The following DSG2 variants were observed in gnomAD, a reference collection of about 807,000 sequenced individuals.
DSG2 encodes the protein desmoglein 2.
A neutral mutation model predicts 75.6 loss-of-function variants in DSG2; 45 were observed. The observed-to-expected ratio is 0.60, with a 90% CI of 0.47 to 0.76. The LOEUF is 0.76. Ranked by LOEUF, DSG2 falls within the 30% of genes least tolerant of loss-of-function variation. The pLI is 0.00. For synonymous variants in DSG2, 429 were observed against 483.9 expected, an observed-to-expected ratio of 0.89 and a Z score of 1.49; for missense variants, 1,267 against 1,357.4, an observed-to-expected ratio of 0.93 and a Z score of 1.05.
chr18:31,527,629 G>A (rs906740746), intron 8 of DSG2, among the ~76,000 whole-genome samples: 2 of 152,180 alleles, frequency 1.3e-5, no homozygotes, highest in African/African-American at 2.4e-5. Flanking sequence ...AAATACCCAC[G>A]TGAAAAGGTG....
chr18:31,544,528 T>G (rs527443603), intron 14 of DSG2, among the ~76,000 whole-genome samples: 1 of 151,816 alleles, frequency 6.6e-6, no homozygotes, highest in South Asian at 2.1e-4. Flanking sequence ...AAGAGCAAAT[T>G]AAACCCAAAA....
At position 31,536,279 on chromosome 18, in the gene DSG2, G is replaced by A. The variant is rs1567930737; in HGVS notation, c.1501G>A (p.Glu501Lys). 2 of 1,614,182 alleles carry A rather than the reference G, an allele frequency of 1.2e-6. No homozygotes were observed. The highest frequency in any genetic ancestry group is 8.5e-7 in the Non-Finnish European group (1 of 1,180,038). Residue 501 changes from glutamate (E) to lysine (K), a missense_variant, in exon 11 of 15, where the codon GAG becomes AAG. Glu to Lys is a moderately conservative substitution (Grantham distance 56). Coordinates refer to ENST00000261590, the MANE Select transcript of DSG2 (RefSeq NM_001943.5). ...CAACGACAACTGTCCCACACTGATA[G>A]AGCCTGTGCAGACAATCTGTCACGA... is the stretch of plus-strand genomic sequence containing the variant. The part of the protein sequence containing the change: ...DINDNCPTLI[E>K]PVQTICHDAE...
chr18:31,525,911 G>C (rs1376804013), intron 8 of DSG2, among the ~76,000 whole-genome samples: 1 of 152,080 alleles, frequency 6.6e-6, no homozygotes, highest in Non-Finnish European at 1.5e-5. Context: ...GGGAGGCCGA[G>C]GAGGGCGGAT....
At chr18:31,528,878 C>G (rs1488577638) in intron 8 of DSG2, among the ~76,000 whole-genome samples, 1 of 152,040 alleles carries the variant, frequency 6.6e-6, no homozygotes, top group East Asian at 1.9e-4. Flanking sequence ...TGGGGACTGA[C>G]TACAAACACA....
intron 12 of DSG2, among the ~76,000 whole-genome samples, chr18:31,540,753 TAAG>T (rs2073261763): frequency 6.6e-6 from 1 of 152,218 alleles, no homozygotes; most frequent in South Asian, 2.1e-4. Flanking sequence ...AAATAAAATC[TAAG>T]AAGAGGGCTC....
intron 5 of DSG2, 57 bp from the exon 6 acceptor site, chr18:31,522,026 C>T: frequency 1.3e-6 from 2 of 1,502,194 alleles, no homozygotes; most frequent in Non-Finnish European, 1.8e-6. Flanking sequence ...AATAAAATAA[C>T]AGGTAAATAT....
chr18:31,514,139 A>C (rs766985067), intron 1 of DSG2, among the ~76,000 whole-genome samples: 1 of 152,228 alleles, frequency 6.6e-6, no homozygotes, highest in Non-Finnish European at 1.5e-5. Flanking sequence ...AAAGTATGGA[A>C]TTTAGTTAAC....
chr18:31,508,213 G>T (rs1299414286), intron 1 of DSG2, among the ~76,000 whole-genome samples: 1 of 152,108 alleles, frequency 6.6e-6, no homozygotes, highest in Non-Finnish European at 1.5e-5. Flanking sequence ...ACCAGTAAAA[G>T]TTAAACTAGA....
At chr18:31,518,844 C>T (rs2073110077) in intron 2 of DSG2, among the ~76,000 whole-genome samples, 2 of 152,120 alleles carry the variant, frequency 1.3e-5, no homozygotes, top group Admixed American at 1.3e-4. Context: ...AGGATTATTT[C>T]TGATCTTAAG....
At chr18:31,520,301 A>G (rs1382832515) in intron 3 of DSG2, among the ~76,000 whole-genome samples, 4 of 152,162 alleles carry the variant, frequency 2.6e-5, no homozygotes, top group Non-Finnish European at 4.4e-5. Context: ...TAGGGGGACC[A>G]TCTTCATCTG....
chr18:31,524,358 T>C, intron 6 of DSG2, 90 bp from the exon 7 acceptor site: 2 of 1,507,168 alleles, frequency 1.3e-6, no homozygotes, highest in South Asian at 2.3e-5. Flanking sequence ...TAAAATATAC[T>C]GTGGTACGTG....
At chr18:31,533,982 C>CTT (rs1282511260) in intron 9 of DSG2, among the ~76,000 whole-genome samples, 2 of 126,758 alleles carry the variant, frequency 1.6e-5, no homozygotes, top group Non-Finnish European at 3.2e-5. Context: ...ACATACATTT[C>CTT]TTTTTTTTCT....
At chr18:31,536,576 T>C (rs1361618925) in intron 11 of DSG2, 147 bp downstream of exon 11, 9 of 813,690 alleles carry the variant, frequency 1.1e-5, no homozygotes, top group African/African-American at 1.7e-5. Context: ...CCTACTGACA[T>C]ATAGTATCTT....
chr18:31,534,006 T>TC (rs1208394135), intron 9 of DSG2, among the ~76,000 whole-genome samples: 1 of 150,472 alleles, frequency 6.6e-6, no homozygotes, highest in Admixed American at 6.6e-5. Flanking sequence ...TTTTTTTTTT[T>TC]TTGAGACTGA....
intron 9 of DSG2, among the ~76,000 whole-genome samples, chr18:31,531,819 T>G (rs1295517888): frequency 6.6e-6 from 1 of 152,262 alleles, no homozygotes; most frequent in African/African-American, 2.4e-5. Context: ...AGATGCTCAC[T>G]GTGTTGGAAG....
intron 1 of DSG2, among the ~76,000 whole-genome samples, chr18:31,501,595 C>G (rs898173240): frequency 6.6e-6 from 1 of 152,180 alleles, no homozygotes; most frequent in African/African-American, 2.4e-5. Context: ...CATTCCTTCT[C>G]TTGTAGGTGC....
chr18:31,546,708 A>T lies in DSG2; in HGVS notation c.3322A>T (p.Thr1108Ser). The T allele has an allele frequency of 6.2e-7, 1 of 1,614,208 alleles. No individual in the cohort carries two copies. Among genetic ancestry groups the T allele is most frequent in the Non-Finnish European group, 8.5e-7 (1 of 1,180,036 alleles). Residue 1108 changes from threonine (T) to serine (S), a missense_variant, in exon 15 of 15, where the codon ACC becomes TCC. By Grantham distance (58) the Thr-to-Ser change is moderately conservative (BLOSUM62 1). Coordinates refer to ENST00000261590, the MANE Select transcript of DSG2 (RefSeq NM_001943.5). ...CATAACCACATCTTCCACCAGAGTTACCAAGCATAGCACTGTACAGCATTC... is the reference window on the plus strand; with the variant it reads ...CATAACCACATCTTCCACCAGAGTTTCCAAGCATAGCACTGTACAGCATTC... ...STITTSSTRVTKHSTVQHSYS is the reference protein window; with the variant it reads ...STITTSSTRVSKHSTVQHSYS
intron 1 of DSG2, among the ~76,000 whole-genome samples, chr18:31,512,452 A>G (rs1002040350): frequency 2.0e-5 from 3 of 152,364 alleles, no homozygotes; most frequent in African/African-American, 7.2e-5. Context: ...GCAATGATGC[A>G]ATGACTACAG....
intron 1 of DSG2, among the ~76,000 whole-genome samples, chr18:31,511,773 C>T (rs929243045): frequency 6.6e-6 from 1 of 152,116 alleles, no homozygotes; most frequent in African/African-American, 2.4e-5. Flanking sequence ...GCACATATCA[C>T]GAGTGCACTG....
Sources: gnomAD v4.1 joint callset for allele counts (sites outside exome capture counted in the v4.1 genomes callset) on GRCh38, gnomAD v4.1.1 for gene constraint, MANE v1.5 for transcripts, NCBI Gene and HGNC (gene_info 2026-07-23, HGNC 2026-07-21) for gene names.